The following CCSER1 variants were observed in gnomAD, a reference collection of about 807,000 sequenced individuals.
CCSER1 encodes serine-rich coiled-coil domain-containing protein 1.
A neutral mutation model predicts 82.0 loss-of-function variants in CCSER1; 41 were observed. That is an observed-to-expected ratio of 0.50 (90% confidence interval 0.39 to 0.65). CCSER1 has a LOEUF of 0.65. CCSER1 is among the 30% of genes least tolerant of loss of function. The pLI is 0.00. For missense variants in CCSER1, 1,119 were observed against 1,064.2 expected, an observed-to-expected ratio of 1.05 and a Z score of -0.72; for synonymous variants, 414 against 383.9, an observed-to-expected ratio of 1.08 and a Z score of -0.92.
chr4:90,372,181 T>G (rs1296922978), intron 3 of CCSER1, among the ~76,000 whole-genome samples: 2 of 152,140 alleles, frequency 1.3e-5, no homozygotes, highest in African/African-American at 4.8e-5. Flanking sequence ...GAAAAAATGA[T>G]GCTGAAATCT....
At chr4:90,656,872 T>C (rs779047873) in intron 6 of CCSER1, among the ~76,000 whole-genome samples, 14 of 152,044 alleles carry the variant, frequency 9.2e-5, no homozygotes, top group Non-Finnish European at 1.9e-4. Flanking sequence ...AAGCCTAATT[T>C]AAATGAACAC....
intron 9 of CCSER1, among the ~76,000 whole-genome samples, chr4:91,042,115 C>G (rs56013318): frequency 0.05 from 7,542 of 152,184 alleles, 466 homozygotes; most frequent in African/African-American, 0.15. Context: ...CACCCAAAAT[C>G]TCATCTTGAA....
At chr4:90,600,213 T>C (rs1442522076) in intron 5 of CCSER1, among the ~76,000 whole-genome samples, 2 of 152,170 alleles carry the variant, frequency 1.3e-5, no homozygotes, top group African/African-American at 2.4e-5. Context: ...TTCTCTTGAG[T>C]AAATACTTAG....
chr4:90,462,189 T>G (rs1289434742), intron 4 of CCSER1, among the ~76,000 whole-genome samples: 2 of 152,130 alleles, frequency 1.3e-5, no homozygotes, highest in Non-Finnish European at 2.9e-5. Context: ...AATGTCATTG[T>G]TACTTATGTA....
chr4:90,313,309 C>G (rs1228741380), intron 3 of CCSER1, among the ~76,000 whole-genome samples: 2 of 152,178 alleles, frequency 1.3e-5, no homozygotes, highest in Admixed American at 6.5e-5. Context: ...GAACAAGACA[C>G]TTGAATACAG....
intron 1 of CCSER1, among the ~76,000 whole-genome samples, chr4:90,239,224 A>G (rs1277368974): frequency 6.6e-6 from 1 of 152,196 alleles, no homozygotes; most frequent in Non-Finnish European, 1.5e-5. Context: ...TTGGACTTTA[A>G]TTAGGAAACA....
chr4:90,514,950 C>A (rs1275411612), intron 5 of CCSER1, among the ~76,000 whole-genome samples: 1 of 151,202 alleles, frequency 6.6e-6, no homozygotes, highest in Non-Finnish European at 1.5e-5. Flanking sequence ...CTCTGCCTCT[C>A]AGGTTCAAGC....
intron 1 of CCSER1, among the ~76,000 whole-genome samples, chr4:90,172,782 T>A (rs936987898): frequency 2.0e-5 from 3 of 151,846 alleles, no homozygotes; most frequent in African/African-American, 7.2e-5. Flanking sequence ...TAGCTACGTT[T>A]GAAATAGTAA....
At chr4:90,982,396 A>G (rs552526051) in intron 9 of CCSER1, among the ~76,000 whole-genome samples, 2 of 151,848 alleles carry the variant, frequency 1.3e-5, no homozygotes, top group Admixed American at 1.3e-4. Context: ...GGGTTTCCAC[A>G]TATGAATTTG....
chr4:90,890,288 G>T (rs780864052), intron 8 of CCSER1, among the ~76,000 whole-genome samples: 1 of 151,994 alleles, frequency 6.6e-6, no homozygotes, highest in Non-Finnish European at 1.5e-5. Flanking sequence ...ATTTCCCTGG[G>T]CTTCAGACTC....
chr4:91,241,492 A>C (rs1310088193), intron 10 of CCSER1, among the ~76,000 whole-genome samples: 1 of 147,588 alleles, frequency 6.8e-6, no homozygotes, highest in African/African-American at 2.5e-5. Context: ...CGCCCGGCTA[A>C]TTTTTCTGTA....
chr4:90,494,734 A>T (rs934639613), intron 5 of CCSER1, among the ~76,000 whole-genome samples: 14 of 152,140 alleles, frequency 9.2e-5, no homozygotes, highest in Admixed American at 9.2e-4. Context: ...TTTTGCAAAT[A>T]AAAGTTAAAA....
Position 90,873,482 on chromosome 4 carries a change from C to T in CCSER1, c.2095-49888C>T, listed in dbSNP as rs76974103. ...TCTATTTTACTATCTTGTTCCACCT[C>T]CCCAGTTCTTGTAAATATGAAACCA... On this transcript the variant is annotated intron_variant, in intron 8 of 10. Coordinates refer to ENST00000509176, the MANE Select transcript of CCSER1 (RefSeq NM_001145065.2). Among the ~76,000 whole-genome samples the T allele has an allele frequency of 5.0e-4, 76 of 152,158 alleles. 1 individual carries two copies. The East Asian group carries it at 0.012, about 24-fold the overall frequency.
intron 10 of CCSER1, among the ~76,000 whole-genome samples, chr4:91,288,828 C>T (rs1241124902): frequency 6.6e-6 from 1 of 152,006 alleles, no homozygotes; most frequent in Non-Finnish European, 1.5e-5. Flanking sequence ...CCTAGAACCA[C>T]AGGTGGAGGA....
At chr4:91,161,718 G>A (rs28871916) in intron 10 of CCSER1, among the ~76,000 whole-genome samples, 100,675 of 151,506 alleles carry the variant, frequency 0.66, 34,959 homozygotes, top group Non-Finnish European at 0.78. Flanking sequence ...TGTTATTGGT[G>A]TGTAGGAATG....
rs535781930 is a variant in CCSER1, at chr4:91,489,435, A to AT, written c.2218-109136dup. On this transcript the variant is annotated intron_variant, in intron 10 of 10. Transcript: ENST00000509176. ...TTACTATCTTGCTTATGCATTATTT[A>AT]TGTAGTCCCTGGAACAGTTAGATAG... Among the ~76,000 whole-genome samples the AT allele has an allele frequency of 5.9e-5, 9 of 152,204 alleles. No individual in the cohort carries two copies. The East Asian group carries it at 1.7e-3, about 29-fold the overall frequency.
At chr4:90,479,534 A>G (rs1765605390) in intron 5 of CCSER1, among the ~76,000 whole-genome samples, 2 of 142,870 alleles carry the variant, frequency 1.4e-5, no homozygotes, top group Admixed American at 7.1e-5. Context: ...CGCTCCCCCC[A>G]CCCCACAACA....
intron 10 of CCSER1, among the ~76,000 whole-genome samples, chr4:91,172,273 G>C (rs946324362): frequency 6.6e-6 from 1 of 152,092 alleles, no homozygotes; most frequent in Non-Finnish European, 1.5e-5. Context: ...TATACATATT[G>C]TTAAAAGAAA....
At chr4:90,237,798 G>T (rs1645786797) in intron 1 of CCSER1, among the ~76,000 whole-genome samples, 1 of 152,128 alleles carries the variant, frequency 6.6e-6, no homozygotes, top group African/African-American at 2.4e-5. Context: ...CTTAATTATG[G>T]TGATTTTACT....
Sources: allele counts gnomAD v4.1 joint callset (sites outside exome capture counted in the v4.1 genomes callset), GRCh38; gene constraint gnomAD v4.1.1; transcripts MANE v1.5; gene names NCBI Gene and HGNC (gene_info 2026-07-23, HGNC 2026-07-21).